The following ASCC3 variants were observed in gnomAD, a reference collection of about 807,000 sequenced individuals.
The protein encoded by ASCC3 is ASC-1 complex subunit P200.
In ASCC3, 158 loss-of-function variants were observed where a neutral mutation model predicts 256.3. The ratio of observed to expected loss-of-function variants is 0.62; its 90% CI spans 0.54 to 0.70. The LOEUF is 0.70. Among genes scored for constraint, ASCC3 ranks in the 30% least tolerant of loss-of-function variants. The probability of loss-of-function intolerance (pLI) is 0.00; values close to 1 mark genes in which losing one functional copy is unlikely to be tolerated. For missense variants in ASCC3, 2,259 were observed against 2,626.0 expected (o/e 0.86, Z 3.05); for synonymous variants, 948 against 883.4 (o/e 1.07, Z -1.30).
intron 8 of ASCC3, 115 bp downstream of exon 8, chr6:100,798,598 T>C (rs1769749330): frequency 2.7e-6 from 4 of 1,498,844 alleles, no homozygotes; most frequent in Admixed American, 1.7e-5. Flanking sequence ...CAACTATATA[T>C]GTCTGTACTG....
chr6:100,827,115 T>C (rs1434822487), intron 4 of ASCC3, among the ~76,000 whole-genome samples: 3 of 152,260 alleles, frequency 2.0e-5, no homozygotes, highest in African/African-American at 4.8e-5. Flanking sequence ...AATATGTTTA[T>C]ATCACACCAT....
intron 10 of ASCC3, among the ~76,000 whole-genome samples, chr6:100,734,774 A>ATTTTATTCTTT (rs1780070328): frequency 1.3e-5 from 2 of 152,184 alleles, no homozygotes; most frequent in Admixed American, 6.5e-5. Context: ...AATCATAAGC[A>ATTTTATTCTTT]AGGTAGTAGC....
At chr6:100,722,650 A>G (rs1303338398) in intron 11 of ASCC3, among the ~76,000 whole-genome samples, 1 of 151,800 alleles carries the variant, frequency 6.6e-6, no homozygotes, top group Non-Finnish European at 1.5e-5. Context: ...AACTGAATGA[A>G]TGAATGAATA....
At chr6:100,698,126 G>C (rs995360834) in intron 13 of ASCC3, among the ~76,000 whole-genome samples, 1 of 152,106 alleles carries the variant, frequency 6.6e-6, no homozygotes. Flanking sequence ...AAAGATAGGA[G>C]TATTAGGTGT....
At chr6:100,649,282 C>A (rs894822217) in intron 20 of ASCC3, among the ~76,000 whole-genome samples, 3 of 151,506 alleles carry the variant, frequency 2.0e-5, no homozygotes, top group Admixed American at 6.6e-5. Context: ...AGAAATGTTG[C>A]CAGATTATTC....
chr6:100,839,474 G>A (rs1258001070), intron 4 of ASCC3, among the ~76,000 whole-genome samples: 1 of 152,064 alleles, frequency 6.6e-6, no homozygotes, highest in Non-Finnish European at 1.5e-5. Context: ...GCTCCTCATT[G>A]TGAGCTTAAT....
At chr6:100,769,898 A>C (rs541799945) in intron 8 of ASCC3, among the ~76,000 whole-genome samples, 2 of 152,096 alleles carry the variant, frequency 1.3e-5, no homozygotes, top group African/African-American at 4.8e-5. Context: ...CTCAAAAACA[A>C]ATACACAACT....
intron 8 of ASCC3, among the ~76,000 whole-genome samples, chr6:100,789,339 ACTCAAAGGATGGAG>A (rs1037128068): frequency 2.0e-5 from 3 of 151,968 alleles, no homozygotes; most frequent in African/African-American, 4.8e-5. Flanking sequence ...ACAACTGGAG[ACTCAAAGGATGGAG>A]CTCAAAGGAT....
intron 25 of ASCC3, among the ~76,000 whole-genome samples, chr6:100,636,438 T>C (rs973217133): frequency 6.6e-6 from 1 of 152,158 alleles, no homozygotes; most frequent in Non-Finnish European, 1.5e-5. Context: ...CCCATCTCTT[T>C]CCTTCTCCTC....
intron 2 of ASCC3, among the ~76,000 whole-genome samples, chr6:100,865,561 G>A (rs891444006): frequency 5.3e-5 from 8 of 152,000 alleles, no homozygotes; most frequent in African/African-American, 1.9e-4. Flanking sequence ...ACCAAATTTT[G>A]TATCATTAGA....
chr6:100,687,034 T>TCACACA lies in ASCC3; in HGVS notation c.2152-7288_2152-7283dup, dbSNP rs71028030. On this transcript the variant is annotated intron_variant, in intron 13 of 41. Transcript: ENST00000369162. ...AAATCTCTCTCTCTCTCTCTCTCTC[T>TCACACA]CACACACACACACACACACACACAC... 7.3e-3 allele frequency among the ~76,000 whole-genome samples: 958 copies of TCACACA among 130,664 alleles called. 4 individuals carry two copies. The highest frequency in any genetic ancestry group is 0.034 in the East Asian group (137 of 3,982). The allele number at this position is 130,664 out of a possible 152,430, so 85.7% of individuals were successfully genotyped here.
In ASCC3 at chr6:100,567,070, A is replaced by T. The variant is rs201132106; in HGVS notation, c.5550+22564T>A. The stretch of plus-strand genomic sequence containing the variant: ...TTTTTAGTGACTAGACAATAGGAAA[A>T]TTTTTATTTAAAAATTAAAATAGCT... On this transcript the variant is annotated intron_variant, in intron 36 of 41. Coordinates refer to ENST00000369162, the MANE Select transcript of ASCC3 (RefSeq NM_006828.4). Among the ~76,000 whole-genome samples, 15 of 152,172 alleles carry T rather than the reference A, an allele frequency of 9.9e-5. No individual in the cohort carries two copies. The East Asian group carries it at 2.9e-3, about 29-fold the overall frequency.
At chr6:100,735,949 C>A (rs1197017344) in intron 10 of ASCC3, among the ~76,000 whole-genome samples, 1 of 152,116 alleles carries the variant, frequency 6.6e-6, no homozygotes, top group Non-Finnish European at 1.5e-5. Context: ...TCTCCATACC[C>A]ACATTTTCAA....
chr6:100,786,186 C>G (rs965733419), intron 8 of ASCC3, among the ~76,000 whole-genome samples: 2 of 152,176 alleles, frequency 1.3e-5, no homozygotes, highest in Admixed American at 6.5e-5. Context: ...TTTTCACCAG[C>G]ACACTCTTAA....
intron 34 of ASCC3, among the ~76,000 whole-genome samples, chr6:100,596,492 A>T (rs1381261200): frequency 1.3e-5 from 2 of 152,154 alleles, no homozygotes; most frequent in African/African-American, 4.8e-5. Context: ...TAGTCTCTCT[A>T]AAAATCTGTA....
chr6:100,871,717 G>C (rs1293709725), intron 1 of ASCC3, among the ~76,000 whole-genome samples: 1 of 152,194 alleles, frequency 6.6e-6, no homozygotes, highest in Admixed American at 6.5e-5. Context: ...AGTAAGCCAT[G>C]ATCATGCCAC....
chr6:100,561,128 GAA>G (rs1400783536), intron 36 of ASCC3, among the ~76,000 whole-genome samples: 3 of 107,172 alleles, frequency 2.8e-5, no homozygotes, highest in Non-Finnish European at 4.1e-5. Context: ...TCTCCAAAAA[GAA>G]AAAAAAAAAA....
intron 30 of ASCC3, among the ~76,000 whole-genome samples, chr6:100,624,781 T>G (rs1003089124): frequency 6.6e-6 from 1 of 151,982 alleles, no homozygotes; most frequent in Non-Finnish European, 1.5e-5. Flanking sequence ...ATTTAAAATT[T>G]TACTGGTGGT....
chr6:100,651,557 T>C lies in ASCC3; in HGVS notation c.3075+3A>G. The C allele has an allele frequency of 6.5e-7, 1 of 1,547,328 alleles. No homozygotes were observed. Among genetic ancestry groups the C allele is most frequent in the South Asian group, 1.2e-5 (1 of 81,508 alleles). ...ATTTGATTCAAATTTCAAGAAATCT[T>C]ACCTTAATTTGATCAAATTCTTCAG... is the stretch of plus-strand genomic sequence containing the variant. On this transcript the variant is annotated splice_donor_region_variant and intron_variant, in intron 19 of 41. Transcript: ENST00000369162.
Sources: allele counts gnomAD v4.1 joint callset (sites outside exome capture counted in the v4.1 genomes callset), GRCh38; gene constraint gnomAD v4.1.1; transcripts MANE v1.5; gene names NCBI Gene and HGNC (gene_info 2026-07-23, HGNC 2026-07-21).